VPS13A: variants seen among roughly 807,000 people sequenced by gnomAD.
The protein encoded by VPS13A is vacuolar protein sorting 13 homolog A, also known as intermembrane lipid transfer protein VPS13A.
VPS13A carries 264 observed loss-of-function variants against 390.9 expected under a neutral mutation model. That is an observed-to-expected ratio of 0.68 (90% CI 0.61 to 0.75). The LOEUF (loss-of-function observed/expected upper bound fraction) is 0.75. Ranked by LOEUF, VPS13A falls within the 30% of genes least tolerant of loss-of-function variation. The pLI is 0.00. For synonymous variants in VPS13A, 1,231 were observed against 1,227.1 expected, an observed-to-expected ratio of 1.00 and a Z score of -0.07; for missense variants, 3,409 against 3,733.9, an observed-to-expected ratio of 0.91 and a Z score of 2.27.
In VPS13A at chr9:77,214,229, T is replaced by C; in HGVS notation, c.697-100T>C. On this transcript the variant is annotated intron_variant, in intron 9 of 71. Coordinates refer to ENST00000360280, the MANE Select transcript of VPS13A (RefSeq NM_033305.3). ...AGACAGGGGTTGCAGTGAGCTGAGA[T>C]TGCACCACTGCCCTCCAGCCTGGGT... 6 of 994,934 alleles carry C rather than the reference T, an allele frequency of 6.0e-6. No homozygotes were observed. In the East Asian group the frequency reaches 1.3e-4, roughly 21 times the overall value. 61.6% of individuals were successfully genotyped at this position (994,934 alleles called of 1,614,324 possible).
rs542304041 is a variant in VPS13A, at chr9:77,225,640, A to G, written c.1162-286A>G. Among the ~76,000 whole-genome samples, 8 of 152,302 alleles carry G rather than the reference A, an allele frequency of 5.3e-5. No individual in the cohort carries two copies. The East Asian group carries it at 1.5e-3, about 29-fold the overall frequency. ...AAATCATTTTAAACAATGCATGTAC[A>G]TATTTTAATATGTGTTTATAACTTG... On this transcript the variant is annotated intron_variant, in intron 13 of 71. Transcript: ENST00000360280.
intron 3 of VPS13A, among the ~76,000 whole-genome samples, chr9:77,201,721 A>G (rs1394959533): frequency 3.3e-5 from 5 of 152,130 alleles, no homozygotes; most frequent in Non-Finnish European, 5.9e-5. Context: ...TACCACTGCT[A>G]TATTTTGATT....
At chr9:77,355,363 A>G (rs1831716789) in intron 54 of VPS13A, among the ~76,000 whole-genome samples, 1 of 152,188 alleles carries the variant, frequency 6.6e-6, no homozygotes, top group Non-Finnish European at 1.5e-5. Context: ...GACTTCCAGA[A>G]TACCTCACCA....
At chr9:77,395,720 G>A (rs1249475762) in intron 68 of VPS13A, 1 of 152,054 alleles carries the variant, frequency 6.6e-6, no homozygotes, top group Non-Finnish European at 1.5e-5. Flanking sequence ...ATGAATACCA[G>A]TTTATGCAAG....
intron 71 of VPS13A, among the ~76,000 whole-genome samples, chr9:77,413,811 ACAGGATGGGAGAAAAT>A (rs1226370726): frequency 6.6e-6 from 1 of 152,242 alleles, no homozygotes; most frequent in African/African-American, 2.4e-5. Flanking sequence ...CAGGCAACCT[ACAGGATGGGAGAAAAT>A]TTTTGCAATC....
chr9:77,298,518 A>G (rs1310718883), intron 33 of VPS13A, among the ~76,000 whole-genome samples: 1 of 152,168 alleles, frequency 6.6e-6, no homozygotes, highest in African/African-American at 2.4e-5. Context: ...CCATGAATTA[A>G]TAGTGTATCA....
At position 77,208,908 on chromosome 9, in the gene VPS13A, T is replaced by A. The variant is rs1386488629; in HGVS notation, c.386-515T>A. Reference sequence around the variant, plus strand: ...ATGGAACTTGAGATAGTTAATGCTGTTTTCTGAACATGAAATAGTTGATGA... The same window carrying A: ...ATGGAACTTGAGATAGTTAATGCTGATTTCTGAACATGAAATAGTTGATGA... On this transcript the variant is annotated intron_variant, in intron 5 of 71. Transcript: ENST00000360280. Among the ~76,000 whole-genome samples, 3 of 152,290 alleles carry A rather than the reference T, an allele frequency of 2.0e-5. No individual in the cohort carries two copies. The South Asian group carries it at 6.2e-4, about 32-fold the overall frequency.
rs1178342283 is a variant in VPS13A, at chr9:77,281,942, TTA to T, written c.2964+18_2964+19del. On this transcript the variant is annotated intron_variant, in intron 28 of 71. Transcript: ENST00000360280. ...ATTGATTAAGGTATGAGTAGATAAT[TTA>T]TTTTTTAATTATGTACTATTTCTTA... 2.0e-6 allele frequency: 3 copies of T among 1,499,304 alleles called. No homozygotes were observed. Among genetic ancestry groups the T allele is most frequent in the Non-Finnish European group, 2.8e-6 (3 of 1,081,774 alleles). The allele number at this position is 1,499,304 out of a possible 1,614,324, so 92.9% of individuals were successfully genotyped here. A position where few individuals can be genotyped will look rare whatever the true frequency, so the allele number is the denominator to read the frequency against.
chr9:77,379,426 G>A (rs1326609663), intron 67 of VPS13A, among the ~76,000 whole-genome samples: 2 of 151,986 alleles, frequency 1.3e-5, no homozygotes, highest in Non-Finnish European at 2.9e-5. Flanking sequence ...TTTTAGTAGA[G>A]ACAGGGTTTC....
Position 77,370,325 on chromosome 9 carries a change from A to G in VPS13A, c.8736A>G (p.Gly2912=). 1 of 1,614,158 alleles carries G rather than the reference A, an allele frequency of 6.2e-7. No homozygotes were observed. The highest frequency in any genetic ancestry group is 8.5e-7 in the Non-Finnish European group (1 of 1,180,016). Residue 2912 remains glycine (G), a synonymous_variant, in exon 64 of 72, where the codon GGA becomes GGG. Coordinates refer to ENST00000360280, the MANE Select transcript of VPS13A (RefSeq NM_033305.3). ...MALGLKALVG[G]AVGGLAGAAS... is the part of the protein sequence containing the mutation. ...TAGGACTTAAGGCACTAGTTGGTGG[A>G]GCTGTTGGTAAGAAACAGAATATCT... is the stretch of plus-strand genomic sequence containing the variant.
chr9:77,291,812 A>G (rs1054316918), intron 31 of VPS13A, among the ~76,000 whole-genome samples: 2 of 152,134 alleles, frequency 1.3e-5, no homozygotes, highest in African/African-American at 4.8e-5. Context: ...TGTTTCTGTG[A>G]GTCTCAGAAA....
intron 71 of VPS13A, among the ~76,000 whole-genome samples, chr9:77,412,471 T>A (rs1352597796): frequency 6.6e-6 from 1 of 152,150 alleles, no homozygotes; most frequent in Non-Finnish European, 1.5e-5. Flanking sequence ...ATCCAGCATA[T>A]AAACAGAACC....
chr9:77,293,387 C>T lies in VPS13A; in HGVS notation c.3386C>T (p.Ser1129Phe), dbSNP rs910565378. 2.5e-6 allele frequency: 4 copies of T among 1,613,218 alleles called. No homozygotes were observed. The Admixed American group carries it at 5.0e-5, about 20-fold the overall frequency. Residue 1129 changes from serine to phenylalanine, a missense_variant, in exon 32 of 72, where the codon TCT becomes TTT. By Grantham distance (155) the Ser-to-Phe change is radical. Around this residue, in one of 5 missense-constraint regions of VPS13A, gnomAD observed 2,717 missense variants for 2,917.4 expected, o/e 0.93. Transcript: ENST00000360280. The stretch of plus-strand genomic sequence containing the variant: ...GAAGTTTTCAGCTTCAAAATGGTTT[C>T]TTACATGGATGCAACTGCTGGTTCT... ...GKEVFSFKMV[S>F]YMDATAGSAY...
At chr9:77,301,936 G>T (rs1433520273) in intron 33 of VPS13A, among the ~76,000 whole-genome samples, 4 of 150,910 alleles carry the variant, frequency 2.7e-5, no homozygotes, top group Non-Finnish European at 4.4e-5. Flanking sequence ...TATAATGTTT[G>T]TTTACAAATT....
chr9:77,415,884 T>A (rs1343829601), intron 71 of VPS13A, 72 bp from the exon 72 acceptor site: 1 of 1,559,336 alleles, frequency 6.4e-7, no homozygotes, highest in African/African-American at 1.4e-5. Flanking sequence ...CTTCTAGATC[T>A]CCATTCATTA....
chr9:77,307,110 G>A (rs537784314), intron 34 of VPS13A, among the ~76,000 whole-genome samples: 1 of 151,946 alleles, frequency 6.6e-6, no homozygotes, highest in Non-Finnish European at 1.5e-5. Flanking sequence ...CACCGTGTTG[G>A]CTGGGCTGTT....
chr9:77,355,154 C>T (rs968655591), intron 54 of VPS13A, among the ~76,000 whole-genome samples: 9 of 152,172 alleles, frequency 5.9e-5, no homozygotes, highest in African/African-American at 2.2e-4. Flanking sequence ...AGGAACTTAA[C>T]ATATCCTGTG....
chr9:77,312,875 T>C (rs1194338478), intron 35 of VPS13A, among the ~76,000 whole-genome samples: 3 of 152,210 alleles, frequency 2.0e-5, no homozygotes, highest in Admixed American at 6.5e-5. Context: ...GCAAAGAATT[T>C]GAAAGTTAAT....
In VPS13A at chr9:77,253,700, T is replaced by C. The variant is rs554143068; in HGVS notation, c.2288+1348T>C. ...TTCTCACTCTGTGTTTCCTTATCACTCTGTTGATTGTGGCCTTTGATGTCT... is the reference window on the plus strand; with the variant it reads ...TTCTCACTCTGTGTTTCCTTATCACCCTGTTGATTGTGGCCTTTGATGTCT... On this transcript the variant is annotated intron_variant, in intron 22 of 71. Transcript: ENST00000360280. 3.3e-5 allele frequency among the ~76,000 whole-genome samples: 5 copies of C among 152,306 alleles called. No individual in the cohort carries two copies. The South Asian group carries it at 6.2e-4, about 19-fold the overall frequency.
Sources: gnomAD v4.1 joint callset for allele counts (sites outside exome capture counted in the v4.1 genomes callset) on GRCh38, gnomAD v4.1.1 for gene constraint, gnomAD v4.1.1 regional missense constraint, MANE v1.5 for transcripts, NCBI Gene and HGNC (gene_info 2026-07-23, HGNC 2026-07-21) for gene names.